Variants in GAN observed in about 807,000 individuals in gnomAD.
GAN encodes epididymis secretory sperm binding protein.
In GAN, 48 loss-of-function variants were observed where a neutral mutation model predicts 71.3. The observed-to-expected ratio is 0.67, with a 90% CI of 0.53 to 0.86. The LOEUF is 0.86. GAN is among the 40% of genes least tolerant of loss of function. The probability of loss-of-function intolerance (pLI) is 0.00; values close to 1 mark genes in which losing one functional copy is unlikely to be tolerated. For missense variants in GAN, 928 were observed against 770.1 expected, an observed-to-expected ratio of 1.21 and a Z score of -2.43; for synonymous variants, 386 against 276.8, an observed-to-expected ratio of 1.39 and a Z score of -3.92.
chr16:81,316,943 C>T (rs995073014), intron 1 of GAN, among the ~76,000 whole-genome samples: 1 of 152,184 alleles, frequency 6.6e-6, no homozygotes, highest in Admixed American at 6.5e-5. Context: ...ACTGCAACCT[C>T]CGCCTTCCAG....
At chr16:81,371,629 T>C (rs1047843883) in intron 9 of GAN, among the ~76,000 whole-genome samples, 1 of 152,132 alleles carries the variant, frequency 6.6e-6, no homozygotes, top group African/African-American at 2.4e-5. Flanking sequence ...TGAGGGGTGC[T>C]TCTCTACCTC....
chr16:81,356,414 G>A (rs1910487442), intron 3 of GAN, among the ~76,000 whole-genome samples: 1 of 151,874 alleles, frequency 6.6e-6, no homozygotes, highest in South Asian at 2.1e-4. Flanking sequence ...TATAATATTT[G>A]TATAAACATG....
At chr16:81,368,759 G>A (rs1172736718) in intron 9 of GAN, among the ~76,000 whole-genome samples, 1 of 152,152 alleles carries the variant, frequency 6.6e-6, no homozygotes, top group Non-Finnish European at 1.5e-5. Context: ...CATCTGTGTA[G>A]TGTCATTAGC....
chr16:81,345,324 C>G (rs1303414028), intron 1 of GAN, among the ~76,000 whole-genome samples: 1 of 152,134 alleles, frequency 6.6e-6, no homozygotes, highest in Non-Finnish European at 1.5e-5. Flanking sequence ...CGGCACTATT[C>G]ACAATAGCAA....
chr16:81,376,680 G>GTAT (rs940851094), intron 9 of GAN, among the ~76,000 whole-genome samples: 3 of 148,712 alleles, frequency 2.0e-5, no homozygotes, highest in African/African-American at 7.7e-5. Flanking sequence ...ATACATATGT[G>GTAT]TATATGTGTA....
chr16:81,367,101 G>C (rs1910884085), intron 9 of GAN, among the ~76,000 whole-genome samples: 1 of 152,138 alleles, frequency 6.6e-6, no homozygotes, highest in Non-Finnish European at 1.5e-5. Flanking sequence ...GGGATTACAG[G>C]CATGAGCCAC....
At chr16:81,342,490 C>T (rs1909977033) in intron 1 of GAN, among the ~76,000 whole-genome samples, 1 of 152,190 alleles carries the variant, frequency 6.6e-6, no homozygotes, top group Non-Finnish European at 1.5e-5. Context: ...CTCAAAACCG[C>T]ACAACTACAT....
chr16:81,325,488 A>G (rs956389066), intron 1 of GAN, among the ~76,000 whole-genome samples: 2 of 152,196 alleles, frequency 1.3e-5, no homozygotes, highest in African/African-American at 4.8e-5. Context: ...ATGCCGGGTT[A>G]TTGGTTTAGA....
At position 81,365,423 on chromosome 16, in the gene GAN, C is replaced by T. The variant is rs119485089; in HGVS notation, c.1447C>T (p.Gln483Ter). The T allele has an allele frequency of 5.6e-6, 9 of 1,613,302 alleles. No homozygotes were observed. Among genetic ancestry groups the T allele is most frequent in the Non-Finnish European group, 7.6e-6 (9 of 1,179,866 alleles). Residue 483 changes from glutamine (Q) to a stop codon, truncating the protein, a stop_gained, in exon 9 of 11, where the codon CAG becomes TAG. Transcript: ENST00000648994. LOFTEE classifies it high-confidence loss of function. ...GGGAGTCCGAAGTCGTGAGGACGCC[C>T]AGGGTAGCGAGATGGTAACTTGCAA... Reference protein sequence around the residue: ...FGGVRSREDAQGSEMVTCKSE... With the variant: ...FGGVRSREDA
chr16:81,372,340 T>C (rs1911062861), intron 9 of GAN, among the ~76,000 whole-genome samples: 1 of 151,938 alleles, frequency 6.6e-6, no homozygotes, highest in Non-Finnish European at 1.5e-5. Flanking sequence ...ACATTGATAT[T>C]CATTTCATCC....
chr16:81,335,482 C>T (rs892153097), intron 1 of GAN, among the ~76,000 whole-genome samples: 2 of 151,954 alleles, frequency 1.3e-5, no homozygotes, highest in Non-Finnish European at 2.9e-5. Flanking sequence ...CATGGTGGCT[C>T]ATGCCTGTAA....
chr16:81,373,841 C>G (rs897025368), intron 9 of GAN, among the ~76,000 whole-genome samples: 1 of 152,216 alleles, frequency 6.6e-6, no homozygotes, highest in Non-Finnish European at 1.5e-5. Context: ...CTCCTGGGTT[C>G]AAGTGATTCT....
intron 1 of GAN, among the ~76,000 whole-genome samples, chr16:81,326,373 A>G (rs1909388060): frequency 1.3e-5 from 2 of 152,080 alleles, no homozygotes; most frequent in African/African-American, 4.8e-5. Context: ...CAAAAAAAAA[A>G]AAAAAAAAAA....
Position 81,377,551 on chromosome 16 carries a change from G to A in GAN, c.1749G>A (p.Leu583=), listed in dbSNP as rs1299781320. 2 of 1,614,196 alleles carry A rather than the reference G, an allele frequency of 1.2e-6. No homozygotes were observed. The highest frequency in any genetic ancestry group is 4.5e-5 in the East Asian group (2 of 44,886). The change falls in exon 11 of 11, where the codon CTG becomes CTA. Residue 583 remains leucine (L), a synonymous_variant. Transcript: ENST00000648994. The part of the protein sequence containing the change: ...LRIANCKLFR[L]QLQQGLFRIR... ...TTGCGAATTGCAAGCTTTTCCGCCT[G>A]CAGCTTCAGCAAGGCTTATTCCGTA...
chr16:81,326,982 G>GCATTTTACTA (rs1555509007), intron 1 of GAN, among the ~76,000 whole-genome samples: 2 of 152,256 alleles, frequency 1.3e-5, no homozygotes, highest in Non-Finnish European at 2.9e-5. Flanking sequence ...TTCTGCCATA[G>GCATTTTACTA]CATTTTACTA....
At chr16:81,377,143 T>C (rs1432343724) in intron 9 of GAN, 76 bp from the exon 10 acceptor site, 14 of 903,920 alleles carry the variant, frequency 1.5e-5, no homozygotes, top group Non-Finnish European at 2.4e-5. Context: ...CTCACCAAGC[T>C]TGCTGTGTCA....
intron 1 of GAN, among the ~76,000 whole-genome samples, chr16:81,339,012 A>G (rs923819047): frequency 6.6e-6 from 1 of 152,258 alleles, no homozygotes; most frequent in African/African-American, 2.4e-5. Flanking sequence ...GCAGTTTGAC[A>G]GAGTAATTTA....
Position 81,364,980 on chromosome 16 carries a change from T to C in GAN, c.1243T>C (p.Cys415Arg), listed in dbSNP as rs767018737. The C allele has an allele frequency of 6.2e-7, 1 of 1,614,110 alleles. No homozygotes were observed. Residue 415 changes from cysteine (C) to arginine (R), a missense_variant, in exon 8 of 11, where the codon TGC (cysteine) becomes CGC (arginine). Cys to Arg is a radical substitution (Grantham distance 180). Transcript: ENST00000648994. ...PDLTMVRKIG[C>R]YAAMKKKIYA... The stretch of plus-strand genomic sequence containing the variant: ...CATTGTTCTCTGCTTTCAGATCGGC[T>C]GCTATGCAGCTATGAAAAAGAAAAT...
chr16:81,384,949 T>C lies in GAN; in HGVS notation c.*7353T>C, dbSNP rs529559829. 6.5e-6 allele frequency: 1 copy of C among 154,404 alleles called. No homozygotes were observed. Among genetic ancestry groups the C allele is most frequent in the South Asian group, 2.0e-4 (1 of 4,910 alleles). The allele number at this position is 154,404 out of a possible 1,614,324, so 9.6% of individuals were successfully genotyped here. A position where few individuals can be genotyped will look rare whatever the true frequency, so the allele number is the denominator to read the frequency against. ...ATAATGGCCCAGTTTCAGGGCACAG[T>C]TGTACACATTCTACTTAAATGGAGG... On this transcript the variant is annotated 3_prime_UTR_variant, in exon 11 of 11. Transcript: ENST00000648994.
Sources: gnomAD v4.1 joint callset for allele counts (sites outside exome capture counted in the v4.1 genomes callset) on GRCh38, gnomAD v4.1.1 for gene constraint, MANE v1.5 for transcripts, NCBI Gene and HGNC (gene_info 2026-07-23, HGNC 2026-07-21) for gene names.